CSMD3: variants seen among roughly 807,000 people sequenced by gnomAD.
CSMD3 encodes CUB and sushi domain-containing protein 3.
CSMD3 carries 177 observed loss-of-function variants against 435.2 expected under a neutral mutation model. The ratio of observed to expected loss-of-function variants is 0.41; its 90% CI spans 0.36 to 0.46. The LOEUF is 0.46. CSMD3 is among the 20% of genes least tolerant of loss of function. The probability of loss-of-function intolerance (pLI) is 0.34; values close to 1 mark genes in which losing one functional copy is unlikely to be tolerated. For synonymous variants in CSMD3, 1,656 were observed against 1,520.5 expected (o/e 1.09, Z -2.07); for missense variants, 4,265 against 4,504.6 (o/e 0.95, Z 1.52).
intron 32 of CSMD3, among the ~76,000 whole-genome samples, chr8:112,463,898 G>C (rs1817689770): frequency 6.6e-6 from 1 of 152,102 alleles, no homozygotes; most frequent in African/African-American, 2.4e-5. Flanking sequence ...ATGGTGTGCT[G>C]AGTTCTAACC....
chr8:112,313,417 T>A (rs1483049060), intron 49 of CSMD3, among the ~76,000 whole-genome samples: 1 of 152,166 alleles, frequency 6.6e-6, no homozygotes, highest in Non-Finnish European at 1.5e-5. Context: ...TTGACCTCTG[T>A]ATGTTTATCC....
At chr8:113,179,133 T>A (rs1189143642) in intron 3 of CSMD3, among the ~76,000 whole-genome samples, 1 of 151,702 alleles carries the variant, frequency 6.6e-6, no homozygotes, top group African/African-American at 2.4e-5. Context: ...TTTAAAAAAA[T>A]TAGTAGCCAA....
At chr8:112,976,861 A>C (rs952710144) in intron 6 of CSMD3, among the ~76,000 whole-genome samples, 12 of 152,036 alleles carry the variant, frequency 7.9e-5, no homozygotes, top group African/African-American at 2.2e-4. Flanking sequence ...GTTGAAACTT[A>C]ACTATTATTA....
At chr8:113,199,678 A>G (rs1176749116) in intron 3 of CSMD3, among the ~76,000 whole-genome samples, 1 of 151,768 alleles carries the variant, frequency 6.6e-6, no homozygotes, top group Admixed American at 6.6e-5. Flanking sequence ...CAGCCTGCTG[A>G]AAGCCACAAC....
intron 45 of CSMD3, among the ~76,000 whole-genome samples, chr8:112,324,581 G>GT (rs771634806): frequency 0.19 from 28,634 of 151,040 alleles, 3,093 homozygotes; most frequent in Middle Eastern, 0.34. Flanking sequence ...GTGTGTGTGT[G>GT]GGTGTGTGTG....
chr8:112,688,386 A>G (rs896632499), intron 14 of CSMD3, among the ~76,000 whole-genome samples: 13 of 152,138 alleles, frequency 8.5e-5, no homozygotes, highest in South Asian at 8.3e-4. Context: ...CATCCACAGA[A>G]GCACTTTGCT....
At chr8:113,265,462 G>A (rs1232103335) in intron 3 of CSMD3, among the ~76,000 whole-genome samples, 2 of 151,596 alleles carry the variant, frequency 1.3e-5, no homozygotes, top group South Asian at 4.1e-4. Context: ...TGTACAGGTT[G>A]TGTATGCTAC....
chr8:112,596,610 T>G (rs1831746712), intron 22 of CSMD3, among the ~76,000 whole-genome samples: 1 of 151,918 alleles, frequency 6.6e-6, no homozygotes, highest in African/African-American at 2.4e-5. Context: ...GACCACATAC[T>G]TGGAAGTAAA....
chr8:112,571,858 A>G (rs1829546195), intron 24 of CSMD3, among the ~76,000 whole-genome samples: 1 of 151,090 alleles, frequency 6.6e-6, no homozygotes, highest in Admixed American at 6.6e-5. Flanking sequence ...AACAAGACTG[A>G]AACTCTGTCT....
intron 16 of CSMD3, among the ~76,000 whole-genome samples, chr8:112,679,541 T>G (rs1788263735): frequency 6.6e-6 from 1 of 152,224 alleles, no homozygotes; most frequent in Non-Finnish European, 1.5e-5. Context: ...TATTGGCCTT[T>G]GTCAAGTTAG....
Position 112,689,918 on chromosome 8 carries a change from A to G in CSMD3, c.2105T>C (p.Ile702Thr), listed in dbSNP as rs2076094487. The G allele has an allele frequency of 6.2e-7, 1 of 1,613,354 alleles. No homozygotes were observed. The highest frequency in any genetic ancestry group is 2.2e-5 in the East Asian group (1 of 44,802). The change falls in exon 14 of 71, where the codon ATT (isoleucine) becomes ACT (threonine). Residue 702 changes from isoleucine to threonine, a missense_variant. Transcript: ENST00000297405. ...CCATTGGTTATTCTCTTGACAAACA[A>G]TGGATTTCTCTCCAATTAATTCAAA... ...FGFELIGEKS[I>T]VCQENNQWSA... is the part of the protein sequence containing the mutation.
chr8:112,777,857 C>T (rs752194986), intron 13 of CSMD3, among the ~76,000 whole-genome samples: 15 of 151,596 alleles, frequency 9.9e-5, no homozygotes, highest in Non-Finnish European at 2.1e-4. Context: ...CTTACTGATG[C>T]CCTGATACTT....
At chr8:112,806,859 C>A (rs2132361759) in intron 12 of CSMD3, among the ~76,000 whole-genome samples, 1 of 152,296 alleles carries the variant, frequency 6.6e-6, no homozygotes, top group Non-Finnish European at 1.5e-5. Context: ...TTCTTCTGTG[C>A]TCTCATAATG....
At chr8:112,772,161 A>G (rs1324388109) in intron 13 of CSMD3, among the ~76,000 whole-genome samples, 2 of 138,248 alleles carry the variant, frequency 1.4e-5, no homozygotes, top group East Asian at 2.1e-4. Flanking sequence ...AATAAAGGGC[A>G]TTGACTAAAA....
At chr8:112,929,870 GA>G (rs2083049733) in intron 9 of CSMD3, among the ~76,000 whole-genome samples, 1 of 152,000 alleles carries the variant, frequency 6.6e-6, no homozygotes, top group South Asian at 2.1e-4. Flanking sequence ...TTCTGTGACA[GA>G]AATGTTTTTA....
At chr8:112,430,155 G>A (rs912133272) in intron 32 of CSMD3, among the ~76,000 whole-genome samples, 2 of 152,044 alleles carry the variant, frequency 1.3e-5, no homozygotes, top group Non-Finnish European at 2.9e-5. Context: ...GGTAGGAAGC[G>A]TCTACAACCA....
intron 32 of CSMD3, among the ~76,000 whole-genome samples, chr8:112,412,580 T>C (rs1811473757): frequency 6.6e-6 from 1 of 152,144 alleles, no homozygotes; most frequent in Non-Finnish European, 1.5e-5. Flanking sequence ...TTTTATCTCT[T>C]TTGTTGAAAA....
chr8:113,217,150 T>A (rs554756885), intron 3 of CSMD3, among the ~76,000 whole-genome samples: 1 of 151,286 alleles, frequency 6.6e-6, no homozygotes, highest in Non-Finnish European at 1.5e-5. Context: ...AAAAGAAAAA[T>A]AGAAATAACT....
intron 59 of CSMD3, among the ~76,000 whole-genome samples, chr8:112,278,468 A>G (rs1818302023): frequency 6.6e-6 from 1 of 152,090 alleles, no homozygotes; most frequent in South Asian, 2.1e-4. Flanking sequence ...GCTTAGACTT[A>G]TCTGTGTGTC....
Sources: gnomAD v4.1 joint callset for allele counts (sites outside exome capture counted in the v4.1 genomes callset) on GRCh38, gnomAD v4.1.1 for gene constraint, MANE v1.5 for transcripts, NCBI Gene and HGNC (gene_info 2026-07-23, HGNC 2026-07-21) for gene names.